The following PLEKHG1 variants were observed in gnomAD, a reference collection of about 807,000 sequenced individuals.
PLEKHG1 encodes the protein pleckstrin homology domain-containing family G member 1.
In PLEKHG1, 44 loss-of-function variants were observed where a neutral mutation model predicts 100.8. That is an observed-to-expected ratio of 0.44 (90% confidence interval 0.34 to 0.56). The LOEUF (loss-of-function observed/expected upper bound fraction) is 0.56, where lower values mean the gene tolerates loss of function less well. Ranked by LOEUF, PLEKHG1 falls within the 20% of genes least tolerant of loss-of-function variation. The pLI, the probability that PLEKHG1 is intolerant of heterozygous loss-of-function variation, is 0.01. For missense variants in PLEKHG1, 1,545 were observed against 1,720.9 expected, an observed-to-expected ratio of 0.90 and a Z score of 1.81; for synonymous variants, 640 against 662.5, an observed-to-expected ratio of 0.97 and a Z score of 0.52.
At chr6:150,833,382 T>C (rs1777063809) in intron 15 of PLEKHG1, among the ~76,000 whole-genome samples, 1 of 152,252 alleles carries the variant, frequency 6.6e-6, no homozygotes, top group Admixed American at 6.5e-5. Flanking sequence ...ATAGCTGCTG[T>C]AATGCATTCA....
At chr6:150,608,061 C>T (rs138907558) in intron 1 of PLEKHG1, among the ~76,000 whole-genome samples, 39 of 152,242 alleles carry the variant, frequency 2.6e-4, no homozygotes, top group Admixed American at 1.1e-3. Context: ...GACCTTGAAG[C>T]TGAAACAGCA....
exon 16 of PLEKHG1, chr6:150,840,419 T>C (rs1777463620): frequency 6.2e-7 from 1 of 1,614,062 alleles, no homozygotes; most frequent in Non-Finnish European, 8.5e-7. Context: ...CAGATATTGC[T>C]GACTCGCATC....
chr6:150,806,996 C>G (rs1033824609), intron 7 of PLEKHG1, among the ~76,000 whole-genome samples: 3 of 152,124 alleles, frequency 2.0e-5, no homozygotes, highest in Non-Finnish European at 4.4e-5. Context: ...ACACTGCCTA[C>G]GGCCACTCAC....
At chr6:150,809,464 G>A (rs1429791301) in exon 9 of PLEKHG1, 1 of 1,613,520 alleles carries the variant, frequency 6.2e-7, no homozygotes, top group South Asian at 1.1e-5. Flanking sequence ...CCAAGCTGCA[G>A]CACACAGTCC....
rs1336156578 is a variant in PLEKHG1 at position 150,603,090 on chromosome 6, AAAAT to A, written c.-204+3077_-204+3080del. 2.4e-3 allele frequency among the ~76,000 whole-genome samples: 310 copies of A among 129,034 alleles called. 5 individuals carry two copies. Among genetic ancestry groups the A allele is most frequent in the African/African-American group, 5.5e-3 (215 of 39,188 alleles). 84.7% of individuals were successfully genotyped at this position (129,034 alleles called of 152,430 possible). A position where few individuals can be genotyped will look rare whatever the true frequency, so the allele number is the denominator to read the frequency against. The stretch of plus-strand genomic sequence containing the variant: ...GCGAGACTCCGTCTCAAAAAAAAAA[AAAAT>A]AAAAAAAAAGAAAAGAAAAAATTAT... On this transcript the variant is annotated intron_variant, in intron 1 of 3. Coordinates refer to the PLEKHG1 transcript ENST00000367326.
chr6:150,613,027 AGTCT>A (rs2128554038), intron 1 of PLEKHG1, among the ~76,000 whole-genome samples: 1 of 152,168 alleles, frequency 6.6e-6, no homozygotes, highest in Non-Finnish European at 1.5e-5. Flanking sequence ...GACCCTCCCT[AGTCT>A]GGCCCCTGCT....
chr6:150,637,366 TTTTG>T (rs1451080799), intron 1 of PLEKHG1, among the ~76,000 whole-genome samples: 21 of 152,176 alleles, frequency 1.4e-4, no homozygotes, highest in East Asian at 1.4e-3. Context: ...TTTTACTGTT[TTTTG>T]TTTGTTTGTT....
intron 2 of PLEKHG1, among the ~76,000 whole-genome samples, chr6:150,738,618 CT>C (rs1399330446): frequency 6.6e-6 from 1 of 152,120 alleles, no homozygotes; most frequent in African/African-American, 2.4e-5. Context: ...ATTCCTAATG[CT>C]TTCTGAAAGT....
chr6:150,838,505 C>T (rs1414560541), intron 15 of PLEKHG1, among the ~76,000 whole-genome samples: 8 of 152,152 alleles, frequency 5.3e-5, no homozygotes, highest in African/African-American at 1.9e-4. Context: ...CTGGGGAAGC[C>T]AAAAGATTGG....
intron 1 of PLEKHG1, among the ~76,000 whole-genome samples, chr6:150,610,774 GT>G (rs1479441025): frequency 6.6e-6 from 1 of 152,204 alleles, no homozygotes; most frequent in South Asian, 2.1e-4. Context: ...AACTCCATTG[GT>G]TTAAAGGTTT....
chr6:150,608,904 T>C (rs943417352), intron 1 of PLEKHG1, among the ~76,000 whole-genome samples: 1 of 152,196 alleles, frequency 6.6e-6, no homozygotes. Flanking sequence ...CTGCATAATA[T>C]ATGTATGGCA....
At chr6:150,671,857 G>A (rs2128585138) in intron 3 of PLEKHG1, among the ~76,000 whole-genome samples, 1 of 152,262 alleles carries the variant, frequency 6.6e-6, no homozygotes, top group East Asian at 1.9e-4. Flanking sequence ...AGAGAGATGA[G>A]GACTAGCTCT....
At chr6:150,728,529 T>C (rs1383735409) in intron 1 of PLEKHG1, among the ~76,000 whole-genome samples, 1 of 151,950 alleles carries the variant, frequency 6.6e-6, no homozygotes, top group African/African-American at 2.4e-5. Context: ...TGAGCCATGA[T>C]TGTGCCACTG....
intron 3 of PLEKHG1, among the ~76,000 whole-genome samples, chr6:150,669,530 A>G (rs2128584113): frequency 6.6e-6 from 1 of 152,180 alleles, no homozygotes; most frequent in Middle Eastern, 3.4e-3. Context: ...ACTCGATGTC[A>G]AAGTTACTGG....
intron 2 of PLEKHG1, among the ~76,000 whole-genome samples, chr6:150,740,815 A>C (rs748126727): frequency 6.6e-6 from 1 of 152,196 alleles, no homozygotes; most frequent in Non-Finnish European, 1.5e-5. Context: ...TTTAATATCT[A>C]TGATAATTTG....
chr6:150,817,450 G>A (rs1014371128), intron 10 of PLEKHG1, among the ~76,000 whole-genome samples: 4 of 152,008 alleles, frequency 2.6e-5, no homozygotes, highest in Non-Finnish European at 4.4e-5. Flanking sequence ...ACTCAAAATA[G>A]TTACAAGGCC....
chr6:150,685,793 C>T (rs1169152520), intron 3 of PLEKHG1, among the ~76,000 whole-genome samples: 2 of 152,168 alleles, frequency 1.3e-5, no homozygotes, highest in East Asian at 1.9e-4. Flanking sequence ...TTGCCTACCT[C>T]CTGCAGAAAC....
chr6:150,768,987 A>T (rs1784581701), intron 3 of PLEKHG1, among the ~76,000 whole-genome samples: 1 of 152,156 alleles, frequency 6.6e-6, no homozygotes, highest in African/African-American at 2.4e-5. Context: ...TGGGGCAATG[A>T]CATCTTTTCT....
intron 3 of PLEKHG1, among the ~76,000 whole-genome samples, chr6:150,670,300 A>G (rs1779540914): frequency 6.6e-6 from 1 of 152,142 alleles, no homozygotes; most frequent in African/African-American, 2.4e-5. Flanking sequence ...CCTTTATTTC[A>G]TTGACTTTAT....
Sources: gnomAD v4.1 joint callset for allele counts (sites outside exome capture counted in the v4.1 genomes callset) on GRCh38, gnomAD v4.1.1 for gene constraint, MANE v1.5 for transcripts, NCBI Gene and HGNC (gene_info 2026-07-23, HGNC 2026-07-21) for gene names.